Variants in GPR65 observed in about 807,000 individuals in gnomAD.
GPR65 encodes the protein T-cell death-associated gene 8 protein.
A neutral mutation model predicts 0.7 loss-of-function variants in GPR65; 2 were observed. The observed-to-expected ratio is 2.83, with a 90% confidence interval of 1.16 to 8.92. The LOEUF (loss-of-function observed/expected upper bound fraction) is 8.92, where lower values mean the gene tolerates loss of function less well. Ranked by LOEUF, GPR65 falls within the 30% of genes most tolerant of loss-of-function variation. GPR65 has a pLI of 0.04. For synonymous variants in GPR65, 128 were observed against 146.5 expected (o/e 0.87, Z 0.91); for missense variants, 379 against 399.4 (o/e 0.95, Z 0.43).
intron 1 of GPR65, among the ~76,000 whole-genome samples, chr14:88,005,444 A>G (rs1429274353): frequency 1.3e-5 from 2 of 152,148 alleles, no homozygotes; most frequent in African/African-American, 4.8e-5. Flanking sequence ...AGGCAAAACC[A>G]TAGATATAGA....
intron 1 of GPR65, among the ~76,000 whole-genome samples, chr14:88,007,542 AATT>A (rs974626397): frequency 8.6e-5 from 13 of 151,048 alleles, no homozygotes; most frequent in East Asian, 1.9e-4. Context: ...TTTAAATTTA[AATT>A]ATTATTATTT....
chr14:88,008,507 G>A (rs190620221), intron 1 of GPR65, among the ~76,000 whole-genome samples: 2 of 152,246 alleles, frequency 1.3e-5, no homozygotes, highest in Admixed American at 6.5e-5. Flanking sequence ...TTGAGGTGTA[G>A]ATTTCAGTGG....
chr14:88,005,811 A>T (rs1887587048), intron 1 of GPR65, among the ~76,000 whole-genome samples: 1 of 152,200 alleles, frequency 6.6e-6, no homozygotes, highest in South Asian at 2.1e-4. Context: ...ATCGTCATCA[A>T]TGATTTGTAC....
intron 1 of GPR65, among the ~76,000 whole-genome samples, chr14:88,007,662 C>T (rs1039571228): frequency 1.3e-5 from 2 of 150,070 alleles, no homozygotes; most frequent in East Asian, 1.9e-4. Context: ...TTTCTTTAAA[C>T]ATATTAAACA....
intron 1 of GPR65, among the ~76,000 whole-genome samples, chr14:88,005,766 C>A (rs1161929343): frequency 2.0e-5 from 3 of 152,126 alleles, no homozygotes; most frequent in Admixed American, 6.5e-5. Flanking sequence ...CAAGCATTTT[C>A]TATAACACTG....
chr14:88,011,037 G>T lies in GPR65; in HGVS notation c.190G>T (p.Ala64Ser), dbSNP rs1286717772. 1 of 1,610,998 alleles carries T rather than the reference G, an allele frequency of 6.2e-7. No individual in the cohort carries two copies. The highest frequency in any genetic ancestry group is 8.5e-7 in the Non-Finnish European group (1 of 1,177,316). ...FSLSLSDLLY[A>S]LTLPLWIDYT... is the part of the protein sequence containing the mutation. ...TTTGTCACTATCAGATTTACTCTAT[G>T]CATTAACTCTCCCTTTATGGATTGA... The change falls in exon 2 of 2, where the codon GCA (alanine) becomes TCA (serine). Residue 64 changes from alanine to serine, a missense_variant. By Grantham distance (99) the Ala-to-Ser change is moderately conservative (BLOSUM62 1). Coordinates refer to ENST00000267549, the MANE Select transcript of GPR65 (RefSeq NM_003608.4).
In GPR65 at chr14:88,005,210, G is replaced by A. The variant is rs570864516; in HGVS notation, c.-472G>A. On this transcript the variant is annotated 5_prime_UTR_variant, in exon 1 of 2. Coordinates refer to ENST00000267549, the MANE Select transcript of GPR65 (RefSeq NM_003608.4). ...CTCCTCAGTCAACAAACACATCACC[G>A]GAAGAAATATGGGTAAGTATAAGAT... 11 of 152,278 alleles carry A rather than the reference G, an allele frequency of 7.2e-5. No individual in the cohort carries two copies. Among genetic ancestry groups the A allele is most frequent in the South Asian group, 2.1e-4 (1 of 4,824 alleles). 9.4% of individuals were successfully genotyped at this position (152,278 alleles called of 1,614,324 possible).
intron 1 of GPR65, among the ~76,000 whole-genome samples, chr14:88,009,971 G>A (rs755885168): frequency 1.4e-4 from 22 of 152,032 alleles, no homozygotes; most frequent in Admixed American, 2.0e-4. Flanking sequence ...TGAAAGTGCC[G>A]TACACCTAGA....
At chr14:88,009,481 TG>T (rs1194864685) in intron 1 of GPR65, among the ~76,000 whole-genome samples, 3 of 152,168 alleles carry the variant, frequency 2.0e-5, no homozygotes, top group Admixed American at 6.6e-5. Context: ...CAGGTCTTTT[TG>T]TGCTCAGGAT....
intron 1 of GPR65, among the ~76,000 whole-genome samples, chr14:88,007,797 T>TGC (rs1483680247): frequency 6.6e-6 from 1 of 150,386 alleles, no homozygotes; most frequent in African/African-American, 2.4e-5. Context: ...TGTGTATGTG[T>TGC]GTGTGTGTGT....
Position 88,011,209 on chromosome 14 carries a change from A to G in GPR65, c.362A>G (p.Lys121Arg). ...DRYLAVVYPL[K>R]FFFLRTRRFA... is the part of the protein sequence containing the mutation. ...TATTTGGCTGTTGTCTACCCTTTGA[A>G]GTTTTTTTTCCTAAGGACAAGAAGA... Residue 121 changes from lysine to arginine, a missense_variant, in exon 2 of 2, where the codon AAG becomes AGG. Coordinates refer to ENST00000267549, the MANE Select transcript of GPR65 (RefSeq NM_003608.4). 2 of 1,613,712 alleles carry G rather than the reference A, an allele frequency of 1.2e-6. No individual in the cohort carries two copies. The highest frequency in any genetic ancestry group is 1.7e-6 in the Non-Finnish European group (2 of 1,179,892).
chr14:88,009,761 C>G (rs1026041984), intron 1 of GPR65, among the ~76,000 whole-genome samples: 2 of 151,876 alleles, frequency 1.3e-5, no homozygotes, highest in African/African-American at 2.4e-5. Context: ...AAGATTTTAC[C>G]CAGAATAAGA....
In GPR65 at chr14:88,011,054, A is replaced by G. The variant is rs1887670172; in HGVS notation, c.207A>G (p.Leu69=). 6.2e-7 allele frequency: 1 copy of G among 1,612,088 alleles called. No homozygotes were observed. The highest frequency in any genetic ancestry group is 1.7e-5 in the Admixed American group (1 of 59,982). The change falls in exon 2 of 2, where the codon TTA becomes TTG. Residue 69 remains leucine, a synonymous_variant. Coordinates refer to ENST00000267549, the MANE Select transcript of GPR65 (RefSeq NM_003608.4). ...SDLLYALTLP[L]WIDYTWNKDN... ...TACTCTATGCATTAACTCTCCCTTT[A>G]TGGATTGATTATACCTGGAATAAAG...
chr14:88,014,072 G>A lies in GPR65; in HGVS notation c.*2211G>A, dbSNP rs1174184540. ...CTCCCAGGAACTGGAAATGAATGGGGAAAATGCTGAAATCTCATTTGCACT... is the reference window on the plus strand; with the variant it reads ...CTCCCAGGAACTGGAAATGAATGGGAAAAATGCTGAAATCTCATTTGCACT... On this transcript the variant is annotated 3_prime_UTR_variant, in exon 2 of 2. Coordinates refer to ENST00000267549, the MANE Select transcript of GPR65 (RefSeq NM_003608.4). 6.6e-6 allele frequency: 1 copy of A among 152,196 alleles called. No homozygotes were observed. Among genetic ancestry groups the A allele is most frequent in the East Asian group, 1.9e-4 (1 of 5,204 alleles). The allele number at this position is 152,196 out of a possible 1,614,324, so 9.4% of individuals were successfully genotyped here. A position where few individuals can be genotyped will look rare whatever the true frequency, so the allele number is the denominator to read the frequency against.
At chr14:88,006,073 C>A (rs1887589706) in intron 1 of GPR65, among the ~76,000 whole-genome samples, 1 of 152,168 alleles carries the variant, frequency 6.6e-6, no homozygotes, top group Non-Finnish European at 1.5e-5. Flanking sequence ...CAACTATTAT[C>A]TGCAGAGCCT....
In GPR65 at chr14:88,014,212, G is replaced by A. The variant is rs554246336; in HGVS notation, c.*2351G>A. On this transcript the variant is annotated 3_prime_UTR_variant, in exon 2 of 2. Coordinates refer to ENST00000267549, the MANE Select transcript of GPR65 (RefSeq NM_003608.4). Reference sequence around the variant, plus strand: ...CTGGTGAAAATTGTTCCACCCATATGTAAAAGAACATAGGTTAAGTTGTCT... The same window carrying A: ...CTGGTGAAAATTGTTCCACCCATATATAAAAGAACATAGGTTAAGTTGTCT... 2 of 152,178 alleles carry A rather than the reference G, an allele frequency of 1.3e-5. No homozygotes were observed. The highest frequency in any genetic ancestry group is 2.9e-5 in the Non-Finnish European group (2 of 68,040). 9.4% of individuals were successfully genotyped at this position (152,178 alleles called of 1,614,324 possible).
rs1025099201 is a variant in GPR65 at position 88,010,864 on chromosome 14, T to C, written c.17T>C (p.Ile6Thr). ...AAGGAAAAAATGAACAGCACATGTA[T>C]TGAAGAACAGCATGACCTGGATCAC... MNSTC[I>T]EEQHDLDHYL... The change falls in exon 2 of 2, where the codon ATT becomes ACT. Residue 6 changes from isoleucine to threonine, a missense_variant. Coordinates refer to ENST00000267549, the MANE Select transcript of GPR65 (RefSeq NM_003608.4). 5 of 1,612,268 alleles carry C rather than the reference T, an allele frequency of 3.1e-6. No individual in the cohort carries two copies. The highest frequency in any genetic ancestry group is 3.3e-5 in the Admixed American group (2 of 59,984).
Position 88,010,555 on chromosome 14 carries a change from C to T in GPR65, c.-293C>T, listed in dbSNP as rs892196379. On this transcript the variant is annotated 5_prime_UTR_variant, in exon 2 of 2. Transcript: ENST00000267549. ...TTGATGCTTGTGGGCTGTTTGTCAG[C>T]GTTCTGTGATAATGAACACATGGAC... The T allele has an allele frequency of 1.6e-5, 5 of 306,642 alleles. No individual in the cohort carries two copies. The highest frequency in any genetic ancestry group is 8.6e-5 in the African/African-American group (4 of 46,676). 19.0% of individuals were successfully genotyped at this position (306,642 alleles called of 1,614,324 possible). A position where few individuals can be genotyped will look rare whatever the true frequency, so the allele number is the denominator to read the frequency against.
At chr14:88,005,581 AC>A (rs1887582071) in intron 1 of GPR65, among the ~76,000 whole-genome samples, 1 of 152,198 alleles carries the variant, frequency 6.6e-6, no homozygotes, top group African/African-American at 2.4e-5. Flanking sequence ...CCTCATCTGT[AC>A]AATGGTCCAG....
Sources: gnomAD v4.1 joint callset for allele counts (sites outside exome capture counted in the v4.1 genomes callset) on GRCh38, gnomAD v4.1.1 for gene constraint, MANE v1.5 for transcripts, NCBI Gene and HGNC (gene_info 2026-07-23, HGNC 2026-07-21) for gene names.